SPHKAP: variants seen among roughly 807,000 people sequenced by gnomAD.
The protein encoded by SPHKAP is SPHK1 interactor, AKAP domain containing.
A neutral mutation model predicts 137.5 loss-of-function variants in SPHKAP; 67 were observed. That is an observed-to-expected ratio of 0.49 (90% CI 0.40 to 0.60). SPHKAP has a LOEUF of 0.60. Ranked by LOEUF, SPHKAP falls within the 20% of genes least tolerant of loss-of-function variation. The pLI, the probability that SPHKAP is intolerant of heterozygous loss-of-function variation, is 0.00. For synonymous variants in SPHKAP, 813 were observed against 785.3 expected (o/e 1.04, Z -0.59); for missense variants, 2,097 against 2,069.3 (o/e 1.01, Z -0.26).
intron 3 of SPHKAP, among the ~76,000 whole-genome samples, chr2:228,081,141 A>G (rs1307233193): frequency 6.6e-6 from 1 of 152,216 alleles, no homozygotes; most frequent in African/African-American, 2.4e-5. Flanking sequence ...AAAAGGTTAT[A>G]TATCTCCACA....
At chr2:228,118,239 AGTTTTTTTT>A (rs1698781044) in intron 2 of SPHKAP, among the ~76,000 whole-genome samples, 1 of 104,094 alleles carries the variant, frequency 9.6e-6, no homozygotes, top group African/African-American at 3.3e-5. Context: ...GGAGATACAC[AGTTTTTTTT>A]TTTTTTTTTT....
chr2:228,161,095 T>G (rs1331334764), intron 1 of SPHKAP, among the ~76,000 whole-genome samples: 1 of 152,302 alleles, frequency 6.6e-6, no homozygotes, highest in South Asian at 2.1e-4. Context: ...TGTCATGAAC[T>G]GTGAGGCACT....
chr2:228,100,318 C>T (rs1304714213), intron 3 of SPHKAP, among the ~76,000 whole-genome samples: 3 of 152,028 alleles, frequency 2.0e-5, no homozygotes, highest in Admixed American at 2.0e-4. Flanking sequence ...ATCTGGATGC[C>T]TTTTATTTCT....
At chr2:228,167,365 C>G (rs1012478372) in intron 1 of SPHKAP, among the ~76,000 whole-genome samples, 7 of 152,114 alleles carry the variant, frequency 4.6e-5, no homozygotes, top group Non-Finnish European at 1.0e-4. Context: ...GATCACCGAT[C>G]TACTGATAAT....
chr2:227,993,689 C>A (rs544280444), intron 8 of SPHKAP, 69 bp from the exon 9 acceptor site: 180 of 1,361,016 alleles, frequency 1.3e-4, no homozygotes, highest in Non-Finnish European at 1.8e-4. Context: ...CAGTGATGTT[C>A]CATTGTTGTA....
In SPHKAP at chr2:228,131,987, C is replaced by A. The variant is rs765055574; in HGVS notation, c.131G>T (p.Cys44Phe). Residue 44 changes from cysteine (C) to phenylalanine (F), a missense_variant, in exon 2 of 12, where the codon TGT (cysteine) becomes TTT (phenylalanine). Transcript: ENST00000392056. ...GSGPGNSITA[C>F]KKVLRSNSLL... ...GGCGTAAGGCAAGGTTACCTTCTTA[C>A]AGGCTGTGATGGAGTTCCCCGGGCC... is the stretch of plus-strand genomic sequence containing the variant. 4 of 1,613,800 alleles carry A rather than the reference C, an allele frequency of 2.5e-6. No individual in the cohort carries two copies. The Admixed American group carries it at 6.7e-5, about 27-fold the overall frequency.
chr2:228,049,442 T>C (rs757249024), intron 3 of SPHKAP, among the ~76,000 whole-genome samples: 9 of 152,238 alleles, frequency 5.9e-5, no homozygotes, highest in African/African-American at 2.2e-4. Flanking sequence ...ATCACAAATG[T>C]GAGACATTGC....
At chr2:228,032,132 G>GA (rs976671366) in intron 3 of SPHKAP, among the ~76,000 whole-genome samples, 23 of 151,754 alleles carry the variant, frequency 1.5e-4, no homozygotes, top group Admixed American at 3.9e-4. Flanking sequence ...TAAAAACTTT[G>GA]AAAAAAAATT....
intron 3 of SPHKAP, among the ~76,000 whole-genome samples, chr2:228,050,312 C>G (rs954994062): frequency 6.6e-6 from 1 of 152,100 alleles, no homozygotes; most frequent in African/African-American, 2.4e-5. Context: ...ACCATTCAAC[C>G]CAGCAATCCC....
chr2:228,033,685 G>A (rs1192937426), intron 3 of SPHKAP, among the ~76,000 whole-genome samples: 1 of 152,154 alleles, frequency 6.6e-6, no homozygotes, highest in Admixed American at 6.5e-5. Context: ...CTTTCTCTCA[G>A]ACCACAGTGC....
chr2:228,122,502 C>T (rs1482361270), intron 2 of SPHKAP, among the ~76,000 whole-genome samples: 1 of 152,094 alleles, frequency 6.6e-6, no homozygotes, highest in Non-Finnish European at 1.5e-5. Flanking sequence ...AGACTGACTT[C>T]GGAATAAGAA....
intron 3 of SPHKAP, among the ~76,000 whole-genome samples, chr2:228,103,973 G>A (rs1698254251): frequency 6.6e-6 from 1 of 150,734 alleles, no homozygotes; most frequent in Admixed American, 6.6e-5. Flanking sequence ...AGAAACACAT[G>A]TACATGCAGA....
In SPHKAP at chr2:228,099,401, T is replaced by G. The variant is rs114887839; in HGVS notation, c.246+9431A>C. The stretch of plus-strand genomic sequence containing the variant: ...TGGTCTGTGTCTGTTTTTGTACCAG[T>G]ACCATCCTGTTTTGGCTACTGTGGC... On this transcript the variant is annotated intron_variant, in intron 3 of 11. Transcript: ENST00000392056. 1.5e-3 allele frequency among the ~76,000 whole-genome samples: 231 copies of G among 152,316 alleles called. 1 individual carries two copies. The highest frequency in any genetic ancestry group is 5.2e-3 in the African/African-American group (215 of 41,574).
At chr2:228,090,309 C>T (rs1697683437) in intron 3 of SPHKAP, among the ~76,000 whole-genome samples, 1 of 152,164 alleles carries the variant, frequency 6.6e-6, no homozygotes, top group South Asian at 2.1e-4. Flanking sequence ...TTCTTTTGGA[C>T]AATTTCTCCT....
chr2:228,005,904 G>C (rs185251619), intron 7 of SPHKAP, among the ~76,000 whole-genome samples: 7 of 152,248 alleles, frequency 4.6e-5, no homozygotes, highest in Non-Finnish European at 7.3e-5. Context: ...TCTGCCTAGA[G>C]ATCAGCTGTT....
chr2:228,039,630 T>A (rs1437094948), intron 3 of SPHKAP, among the ~76,000 whole-genome samples: 2 of 152,128 alleles, frequency 1.3e-5, no homozygotes, highest in Non-Finnish European at 2.9e-5. Context: ...GACATGAAAA[T>A]CTAGTATTCA....
chr2:228,009,116 T>A (rs1174643046), intron 7 of SPHKAP, among the ~76,000 whole-genome samples: 1 of 152,188 alleles, frequency 6.6e-6, no homozygotes, highest in Non-Finnish European at 1.5e-5. Context: ...TAGCCTTTAT[T>A]TTTGAAGGAA....
intron 6 of SPHKAP, 141 bp downstream of exon 6, chr2:228,021,566 CTCCT>C (rs1357169560): frequency 2.0e-5 from 20 of 986,066 alleles, no homozygotes; most frequent in Middle Eastern, 3.3e-4. Context: ...TTCTCATATC[CTCCT>C]TCCTTCCTTC....
chr2:228,119,056 C>T (rs1295925858), intron 2 of SPHKAP, among the ~76,000 whole-genome samples: 1 of 152,058 alleles, frequency 6.6e-6, no homozygotes, highest in East Asian at 1.9e-4. Flanking sequence ...TCTTGGCAGG[C>T]CTTTCTAAGG....
Sources: allele counts gnomAD v4.1 joint callset (sites outside exome capture counted in the v4.1 genomes callset), GRCh38; gene constraint gnomAD v4.1.1; transcripts MANE v1.5; gene names NCBI Gene and HGNC (gene_info 2026-07-23, HGNC 2026-07-21).